Variants in DIP2C observed in about 807,000 individuals in gnomAD.
DIP2C encodes DIP2 acetate--CoA ligase C (putative).
Under a neutral mutation model 192.4 loss-of-function variants are expected in DIP2C, and 33 were observed. The observed-to-expected ratio is 0.17, with a 90% CI of 0.13 to 0.23. DIP2C has a LOEUF of 0.23. Ranked by LOEUF, DIP2C falls within the 10% of genes least tolerant of loss-of-function variation. The pLI is 1.00. For missense variants in DIP2C, 1,537 were observed against 2,110.1 expected, an observed-to-expected ratio of 0.73 and a Z score of 5.32; for synonymous variants, 979 against 864.1, an observed-to-expected ratio of 1.13 and a Z score of -2.33.
At chr10:331,103 G>C (rs537842494) in intron 29 of DIP2C, among the ~76,000 whole-genome samples, 1 of 151,298 alleles carries the variant, frequency 6.6e-6, no homozygotes, top group Non-Finnish European at 1.5e-5. Flanking sequence ...GGCATGAGCT[G>C]CCATAAGAGG....
In DIP2C at chr10:441,229, C is replaced by A. The variant is rs187962055; in HGVS notation, c.269-233G>T. The A allele has an allele frequency of 2.4e-3, 1,207 of 496,176 alleles. 11 individuals carry two copies. Among genetic ancestry groups the A allele is most frequent in the Middle Eastern group, 0.01 (19 of 1,822 alleles). 30.7% of individuals were successfully genotyped at this position (496,176 alleles called of 1,614,324 possible). A position where few individuals can be genotyped will look rare whatever the true frequency, so the allele number is the denominator to read the frequency against. On this transcript the variant is annotated intron_variant, in intron 3 of 36. Coordinates refer to ENST00000280886, the MANE Select transcript of DIP2C (RefSeq NM_014974.3). ...CAGAATCCATATCCATAAGCAAACA[C>A]TGGCTGTAAACTGCACTGAGATTTG...
At chr10:393,791 A>G (rs980610053) in intron 10 of DIP2C, among the ~76,000 whole-genome samples, 4 of 133,972 alleles carry the variant, frequency 3.0e-5, no homozygotes, top group Non-Finnish European at 6.8e-5. Context: ...AAAAAAAAAA[A>G]AAAAAGAAAA....
chr10:442,286 C>T (rs1009569603), intron 3 of DIP2C, among the ~76,000 whole-genome samples: 21 of 152,124 alleles, frequency 1.4e-4, no homozygotes, highest in Non-Finnish European at 2.9e-4. Context: ...TGAGACAGGA[C>T]CCAGACCCGC....
chr10:462,623 G>A (rs1969885407), intron 3 of DIP2C, among the ~76,000 whole-genome samples: 1 of 152,278 alleles, frequency 6.6e-6, no homozygotes, highest in Middle Eastern at 3.4e-3. Context: ...CATTCCTTCT[G>A]AAACTATTCC....
intron 10 of DIP2C, among the ~76,000 whole-genome samples, chr10:396,827 G>C: frequency 2.4e-5 from 1 of 41,462 alleles, no homozygotes; most frequent in South Asian, 7.8e-4. Context: ...CAAATCCGGT[G>C]GGGGGGGGGG....
chr10:526,140 C>G (rs1847037698), intron 1 of DIP2C, among the ~76,000 whole-genome samples: 1 of 152,196 alleles, frequency 6.6e-6, no homozygotes, highest in Non-Finnish European at 1.5e-5. Flanking sequence ...CCACCTGAAA[C>G]AGGACCGACC....
intron 31 of DIP2C, among the ~76,000 whole-genome samples, chr10:326,089 G>C (rs1401123304): frequency 6.6e-6 from 1 of 152,170 alleles, no homozygotes; most frequent in Non-Finnish European, 1.5e-5. Flanking sequence ...GCTGAGGTGG[G>C]AGGGTTGCTT....
intron 32 of DIP2C, among the ~76,000 whole-genome samples, chr10:290,584 C>T (rs1955440986): frequency 1.3e-5 from 2 of 152,158 alleles, no homozygotes; most frequent in East Asian, 1.9e-4. Context: ...CTGATCTGAG[C>T]GGCCAAGTGG....
intron 1 of DIP2C, among the ~76,000 whole-genome samples, chr10:489,877 C>T (rs1844308581): frequency 1.4e-5 from 1 of 72,760 alleles, no homozygotes; most frequent in South Asian, 7.5e-4. Flanking sequence ...GGGCTTCCTC[C>T]ATTTCACACC....
intron 1 of DIP2C, among the ~76,000 whole-genome samples, chr10:557,826 GAA>G (rs1491390602): frequency 1.9e-5 from 1 of 52,008 alleles, no homozygotes; most frequent in Admixed American, 1.8e-4. Flanking sequence ...GAGGGGGCAG[GAA>G]GGCAGGCAGG....
intron 1 of DIP2C, among the ~76,000 whole-genome samples, chr10:556,498 T>C (rs539804951): frequency 2.0e-5 from 3 of 150,272 alleles, no homozygotes; most frequent in Admixed American, 2.0e-4. Flanking sequence ...CACCTGACTC[T>C]ACCAGGACAT....
chr10:497,351 A>G (rs1429205630), intron 1 of DIP2C, among the ~76,000 whole-genome samples: 1 of 152,142 alleles, frequency 6.6e-6, no homozygotes, highest in Non-Finnish European at 1.5e-5. Context: ...GCACCTTGGA[A>G]ATTTTTAACA....
intron 1 of DIP2C, among the ~76,000 whole-genome samples, chr10:530,680 T>C (rs1366074396): frequency 6.9e-6 from 1 of 145,670 alleles, no homozygotes; most frequent in Admixed American, 6.8e-5. Flanking sequence ...AAAAAGACTG[T>C]TACTAACATA....
At chr10:507,789 T>C (rs2130749255) in intron 1 of DIP2C, among the ~76,000 whole-genome samples, 1 of 152,284 alleles carries the variant, frequency 6.6e-6, no homozygotes, top group African/African-American at 2.4e-5. Context: ...TCCCACCCCA[T>C]CTGTGAAAAC....
chr10:689,095 C>T lies in DIP2C; in HGVS notation c.85+399G>A, dbSNP rs1169324046. Among the ~76,000 whole-genome samples the T allele has an allele frequency of 6.6e-6, 1 of 151,848 alleles. No homozygotes were observed. Among genetic ancestry groups the T allele is most frequent in the East Asian group, 1.9e-4 (1 of 5,138 alleles). ...GAGCGCACGGGAAGGCCGATCCCGC[C>T]GGGCCCGCTGCATCCTGCGTCCCCG... On this transcript the variant is annotated intron_variant, in intron 1 of 36. Transcript: ENST00000280886. The surrounding 1 kb of genome is among the most constrained non-coding windows in gnomAD (Gnocchi z 6.1).
At chr10:374,709 G>C (rs1961366098) in intron 17 of DIP2C, among the ~76,000 whole-genome samples, 1 of 152,176 alleles carries the variant, frequency 6.6e-6, no homozygotes, top group East Asian at 1.9e-4. Flanking sequence ...CTGTATTATT[G>C]AGAAACTTAG....
At position 327,009 on chromosome 10, in the gene DIP2C, C is replaced by T. The variant is rs368483568; in HGVS notation, c.3921G>A (p.Leu1307=). 1.3e-3 allele frequency: 2,122 copies of T among 1,611,944 alleles called. 32 individuals carry two copies. In the South Asian group the frequency reaches 0.022, roughly 17 times the overall value. The change falls in exon 31 of 37, where the codon TTG becomes TTA. Residue 1307 remains leucine (L), a synonymous_variant. Coordinates refer to ENST00000280886, the MANE Select transcript of DIP2C (RefSeq NM_014974.3). The part of the protein sequence containing the change: ...FGCRVNLAIC[L]QGTSGPDPTT... ...CTGTGATGTCGCCGAATCTCACCTG[C>T]AAGCAAATCGCCAGGTTCACCCTGC...
chr10:366,198 A>G (rs933595514), intron 19 of DIP2C, 77 bp downstream of exon 19: 2 of 1,568,284 alleles, frequency 1.3e-6, no homozygotes, highest in African/African-American at 2.7e-5. Flanking sequence ...TTCCACGTCT[A>G]TCACTATGCA....
Position 320,172 on chromosome 10 carries a change from C to T in DIP2C, c.3924+6834G>A, listed in dbSNP as rs114666857. On this transcript the variant is annotated intron_variant, in intron 31 of 36. Transcript: ENST00000280886. Reference sequence around the variant, plus strand: ...ATTCATCATGCCAAGTCATTTTCCACGGGAGACTAGACTCTAGTCAAGTAA... The same window carrying T: ...ATTCATCATGCCAAGTCATTTTCCATGGGAGACTAGACTCTAGTCAAGTAA... 9.9e-4 allele frequency among the ~76,000 whole-genome samples: 151 copies of T among 152,218 alleles called. 1 individual carries two copies. Among genetic ancestry groups the T allele is most frequent in the African/African-American group, 3.2e-3 (133 of 41,520 alleles).
Sources: gnomAD v4.1 joint callset for allele counts (sites outside exome capture counted in the v4.1 genomes callset) on GRCh38, gnomAD v4.1.1 for gene constraint, Gnocchi (gnomAD v3.1) non-coding constraint, MANE v1.5 for transcripts, NCBI Gene and HGNC (gene_info 2026-07-23, HGNC 2026-07-21) for gene names.